AUTS2: variants seen among roughly 807,000 people sequenced by gnomAD.
The protein encoded by AUTS2 is autism susceptibility gene 2 protein.
In AUTS2, 17 loss-of-function variants were observed where a neutral mutation model predicts 112.4. The ratio of observed to expected loss-of-function variants is 0.15; its 90% CI spans 0.10 to 0.23. The LOEUF (loss-of-function observed/expected upper bound fraction) is 0.23. AUTS2 is among the 10% of genes least tolerant of loss of function. The pLI is 1.00. For missense variants in AUTS2, 1,510 were observed against 1,701.6 expected, an observed-to-expected ratio of 0.89 and a Z score of 1.98; for synonymous variants, 751 against 702.7, an observed-to-expected ratio of 1.07 and a Z score of -1.09.
intron 6 of AUTS2, among the ~76,000 whole-genome samples, chr7:70,733,057 A>C (rs1002844107): frequency 1.3e-5 from 2 of 152,202 alleles, no homozygotes; most frequent in Non-Finnish European, 2.9e-5. Flanking sequence ...AGTATTGTGC[A>C]TTTGGTAGGA....
At chr7:69,929,341 T>C (rs977227806) in intron 2 of AUTS2, among the ~76,000 whole-genome samples, 1 of 152,082 alleles carries the variant, frequency 6.6e-6, no homozygotes. Flanking sequence ...CTTACCCTAG[T>C]TTCCTTCATG....
chr7:69,605,579 G>T (rs1294911393), intron 1 of AUTS2, among the ~76,000 whole-genome samples: 1 of 152,180 alleles, frequency 6.6e-6, no homozygotes, highest in Non-Finnish European at 1.5e-5. Context: ...AAAAAGGTTG[G>T]TTGGGAAAGG....
chr7:70,774,407 A>G (rs931114657), intron 12 of AUTS2: 1 of 332,518 alleles, frequency 3.0e-6, no homozygotes, highest in African/African-American at 2.1e-5. Context: ...CTCTGTCTGT[A>G]TCTCCTTAAA....
intron 5 of AUTS2, among the ~76,000 whole-genome samples, chr7:70,687,251 G>A (rs1181325010): frequency 1.3e-5 from 2 of 152,186 alleles, no homozygotes; most frequent in African/African-American, 2.4e-5. Context: ...AAGTCCAGAC[G>A]GAAACGAGAC....
chr7:70,086,293 C>T (rs991202510), intron 2 of AUTS2, among the ~76,000 whole-genome samples: 1 of 152,136 alleles, frequency 6.6e-6, no homozygotes, highest in African/African-American at 2.4e-5. Context: ...TCTTTTAACT[C>T]ATAAACAAGG....
At chr7:70,248,024 T>G (rs1813017470) in intron 4 of AUTS2, among the ~76,000 whole-genome samples, 2 of 152,196 alleles carry the variant, frequency 1.3e-5, no homozygotes, top group African/African-American at 4.8e-5. Flanking sequence ...CTACAGTAAT[T>G]GATTTTCCAA....
chr7:70,089,520 G>C (rs1803796388), intron 2 of AUTS2, among the ~76,000 whole-genome samples: 1 of 151,784 alleles, frequency 6.6e-6, no homozygotes, highest in Admixed American at 6.6e-5. Context: ...AAGAGAACTT[G>C]TTTTGGGGTA....
intron 5 of AUTS2, among the ~76,000 whole-genome samples, chr7:70,563,476 A>C (rs1024566283): frequency 2.9e-4 from 44 of 152,208 alleles, no homozygotes; most frequent in African/African-American, 8.9e-4. Context: ...AAACGATGTT[A>C]ATAGATGTCA....
chr7:70,190,854 T>C (rs1053028083), intron 4 of AUTS2, among the ~76,000 whole-genome samples: 1 of 152,218 alleles, frequency 6.6e-6, no homozygotes, highest in African/African-American at 2.4e-5. Context: ...ATTTTAACCA[T>C]AGCATTTTCA....
At position 70,793,147 on chromosome 7, in the gene AUTS2, C is replaced by G. The variant is rs1405753758; in HGVS notation, c.*2151C>G. The G allele has an allele frequency of 6.6e-6, 1 of 151,260 alleles. No homozygotes were observed. Among genetic ancestry groups the G allele is most frequent in the Non-Finnish European group, 1.5e-5 (1 of 67,860 alleles). The allele number at this position is 151,260 out of a possible 1,614,324, so 9.4% of individuals were successfully genotyped here. On this transcript the variant is annotated 3_prime_UTR_variant, in exon 19 of 19. Coordinates refer to ENST00000342771, the MANE Select transcript of AUTS2 (RefSeq NM_015570.4). The stretch of plus-strand genomic sequence containing the variant: ...TATGTCCAAGATACTGTAAAAGGTA[C>G]TTCTGGATTTTGTAGACGTGTGTAC...
At chr7:70,007,195 T>C (rs184060625) in intron 2 of AUTS2, among the ~76,000 whole-genome samples, 20 of 152,308 alleles carry the variant, frequency 1.3e-4, no homozygotes, top group Admixed American at 8.5e-4. Flanking sequence ...TGTTTTAAGT[T>C]TTATTACCTT....
At chr7:70,112,562 T>C (rs992071831) in intron 2 of AUTS2, among the ~76,000 whole-genome samples, 4 of 152,086 alleles carry the variant, frequency 2.6e-5, no homozygotes, top group African/African-American at 9.6e-5. Context: ...TTGCTTTCTT[T>C]TATTATTTAG....
chr7:70,566,010 A>T (rs1303118350), intron 5 of AUTS2, among the ~76,000 whole-genome samples: 3 of 152,222 alleles, frequency 2.0e-5, no homozygotes, highest in African/African-American at 7.2e-5. Flanking sequence ...ATAGAAAAGG[A>T]AGACGACCGT....
intron 5 of AUTS2, among the ~76,000 whole-genome samples, chr7:70,671,242 G>A (rs897099368): frequency 6.7e-6 from 1 of 150,044 alleles, no homozygotes; most frequent in African/African-American, 2.4e-5. Flanking sequence ...CACAGAAATG[G>A]CTTCTGGCCT....
intron 5 of AUTS2, among the ~76,000 whole-genome samples, chr7:70,653,910 A>G (rs1806637972): frequency 6.6e-6 from 1 of 152,204 alleles, no homozygotes; most frequent in Non-Finnish European, 1.5e-5. Context: ...TACTGTTTGT[A>G]TAAATTAGAA....
chr7:70,495,151 G>A (rs551589062), intron 5 of AUTS2, among the ~76,000 whole-genome samples: 81 of 148,110 alleles, frequency 5.5e-4, no homozygotes, highest in African/African-American at 2.0e-3. Flanking sequence ...AAGTCTCTCA[G>A]TTACCCAGGG....
intron 4 of AUTS2, among the ~76,000 whole-genome samples, chr7:70,305,061 A>G (rs974910040): frequency 6.6e-6 from 1 of 152,216 alleles, no homozygotes; most frequent in Non-Finnish European, 1.5e-5. Context: ...GCCATTAAAT[A>G]CTTTTCCATA....
intron 2 of AUTS2, among the ~76,000 whole-genome samples, chr7:69,918,035 G>A (rs1023519072): frequency 6.6e-6 from 1 of 152,038 alleles, no homozygotes; most frequent in South Asian, 2.1e-4. Flanking sequence ...TAGAGACAGG[G>A]TTTCACCATG....
At chr7:69,723,195 C>G (rs759754224) in intron 1 of AUTS2, among the ~76,000 whole-genome samples, 38 of 151,986 alleles carry the variant, frequency 2.5e-4, no homozygotes, top group Non-Finnish European at 5.3e-4. Context: ...TAGCCTTGAT[C>G]ATTTGGAGTA....
Sources: allele counts gnomAD v4.1 joint callset (sites outside exome capture counted in the v4.1 genomes callset), GRCh38; gene constraint gnomAD v4.1.1; transcripts MANE v1.5; gene names NCBI Gene and HGNC (gene_info 2026-07-23, HGNC 2026-07-21).